The following CNTNAP2 variants were observed in gnomAD, a reference collection of about 807,000 sequenced individuals.
The protein encoded by CNTNAP2 is contactin associated protein 2.
Under a neutral mutation model 155.2 loss-of-function variants are expected in CNTNAP2, and 98 were observed. The ratio of observed to expected loss-of-function variants is 0.63; its 90% CI spans 0.54 to 0.75. The LOEUF is 0.75. Among genes scored for constraint, CNTNAP2 ranks in the 30% least tolerant of loss-of-function variants. The pLI is 0.00. For synonymous variants in CNTNAP2, 651 were observed against 631.2 expected (o/e 1.03, Z -0.47); for missense variants, 1,727 against 1,688.1 (o/e 1.02, Z -0.40).
chr7:146,721,890 T>TATATATATATATA (rs1491454260), intron 1 of CNTNAP2, among the ~76,000 whole-genome samples: 21 of 75,496 alleles, frequency 2.8e-4, no homozygotes, highest in African/African-American at 1.1e-3. Context: ...TATATATATA[T>TATATATATATATA]TTTTTTTTTT....
At chr7:148,009,071 G>T (rs35543022) in intron 15 of CNTNAP2, among the ~76,000 whole-genome samples, 1 of 152,130 alleles carries the variant, frequency 6.6e-6, no homozygotes, top group Admixed American at 6.6e-5. Flanking sequence ...TGCACAATGA[G>T]GTTATGTCCC....
rs1584951610 is a variant in CNTNAP2, at chr7:147,444,289, A to G, written c.1671-41646A>G. Among the ~76,000 whole-genome samples the G allele has an allele frequency of 4.6e-5, 7 of 152,338 alleles. 1 individual carries two copies. The highest frequency in any genetic ancestry group is 4.6e-4 in the Admixed American group (7 of 15,298). On this transcript the variant is annotated intron_variant, in intron 10 of 23. Coordinates refer to ENST00000361727, the MANE Select transcript of CNTNAP2 (RefSeq NM_014141.6). ...AAGCCCGTGGCAATTTGAGAACACA[A>G]GAGATCAACAAAATGAAGCCCAAGA... is the stretch of plus-strand genomic sequence containing the variant.
chr7:148,262,268 T>C lies in CNTNAP2; in HGVS notation c.3382-4765T>C, dbSNP rs192882346. 1.6e-3 allele frequency among the ~76,000 whole-genome samples: 242 copies of C among 152,286 alleles called. 2 individuals are homozygous for C. Among genetic ancestry groups the C allele is most frequent in the African/African-American group, 5.6e-3 (233 of 41,544 alleles). On this transcript the variant is annotated intron_variant, in intron 20 of 23. Coordinates refer to ENST00000361727, the MANE Select transcript of CNTNAP2 (RefSeq NM_014141.6). ...GCAGGAAGAATGGAGAACACTAACG[T>C]TGTTATTGAAGAAATTGCCGGGAGA...
intron 13 of CNTNAP2, among the ~76,000 whole-genome samples, chr7:147,874,525 T>C (rs1414856462): frequency 6.6e-6 from 1 of 152,272 alleles, no homozygotes; most frequent in African/African-American, 2.4e-5. Flanking sequence ...ACCAAGTCCC[T>C]AGGCTGCACA....
At chr7:146,739,995 A>G (rs1801684758) in intron 1 of CNTNAP2, among the ~76,000 whole-genome samples, 1 of 151,902 alleles carries the variant, frequency 6.6e-6, no homozygotes. Context: ...CATGGAATAT[A>G]TTTTTCTATT....
At chr7:147,651,646 A>G (rs866238405) in intron 13 of CNTNAP2, among the ~76,000 whole-genome samples, 18 of 152,214 alleles carry the variant, frequency 1.2e-4, no homozygotes, top group African/African-American at 3.9e-4. Flanking sequence ...ATGAAGATAC[A>G]GTTTGGTTGA....
chr7:147,768,456 G>A (rs117638442), intron 13 of CNTNAP2, among the ~76,000 whole-genome samples: 1,675 of 152,128 alleles, frequency 0.011, 98 homozygotes, highest in Admixed American at 0.088. Context: ...CATAATTTGG[G>A]CTTAATGCAT....
chr7:147,448,671 T>C (rs1321620195), intron 10 of CNTNAP2, among the ~76,000 whole-genome samples: 3 of 151,956 alleles, frequency 2.0e-5, no homozygotes, highest in African/African-American at 7.2e-5. Flanking sequence ...TTTTAGGTCA[T>C]ATACATATAC....
chr7:146,135,557 G>T lies in CNTNAP2; in HGVS notation c.97+18584G>T, dbSNP rs907131029. Among the ~76,000 whole-genome samples, 3 of 152,044 alleles carry T rather than the reference G, an allele frequency of 2.0e-5. No individual in the cohort carries two copies. In the East Asian group the frequency reaches 5.8e-4, roughly 29 times the overall value. ...CTGGAGATTTGGAATAGAGTTTCCA[G>T]GTTATTTATGAAGTTTAAATAATAT... On this transcript the variant is annotated intron_variant, in intron 1 of 23. Coordinates refer to ENST00000361727, the MANE Select transcript of CNTNAP2 (RefSeq NM_014141.6).
chr7:147,610,647 C>G (rs1387952077), intron 12 of CNTNAP2, among the ~76,000 whole-genome samples: 1 of 152,104 alleles, frequency 6.6e-6, no homozygotes, highest in East Asian at 1.9e-4. Flanking sequence ...GATGAGAGAG[C>G]TAGCCCAGGG....
intron 3 of CNTNAP2, among the ~76,000 whole-genome samples, chr7:146,864,607 T>C (rs1256217907): frequency 1.3e-5 from 2 of 152,048 alleles, no homozygotes; most frequent in African/African-American, 4.8e-5. Context: ...AGCATAAAGA[T>C]TGGAATAGAA....
At chr7:148,393,765 T>C (rs1409998437) in intron 22 of CNTNAP2, among the ~76,000 whole-genome samples, 1 of 152,194 alleles carries the variant, frequency 6.6e-6, no homozygotes, top group East Asian at 1.9e-4. Context: ...GTGGCTGTTC[T>C]ATATGAAAAA....
intron 13 of CNTNAP2, among the ~76,000 whole-genome samples, chr7:147,661,085 C>A (rs921944123): frequency 6.6e-6 from 1 of 152,068 alleles, no homozygotes; most frequent in Admixed American, 6.6e-5. Flanking sequence ...CATGATGTAC[C>A]TATCTTTCCT....
intron 11 of CNTNAP2, among the ~76,000 whole-genome samples, chr7:147,494,796 A>G (rs73162049): frequency 0.1 from 15,526 of 152,230 alleles, 912 homozygotes; most frequent in Middle Eastern, 0.18. Context: ...TCTGCTCAGA[A>G]AACAGGAAAG....
chr7:147,273,993 ATAT>A (rs141490499), intron 8 of CNTNAP2, among the ~76,000 whole-genome samples: 7,340 of 148,644 alleles, frequency 0.049, 233 homozygotes, highest in African/African-American at 0.089. Flanking sequence ...TATGTAGTAT[ATAT>A]TACATATTAC....
intron 1 of CNTNAP2, among the ~76,000 whole-genome samples, chr7:146,424,440 G>A (rs1796058923): frequency 6.6e-6 from 1 of 152,176 alleles, no homozygotes; most frequent in Non-Finnish European, 1.5e-5. Context: ...GCAATGAGTT[G>A]TGACAACGTG....
intron 4 of CNTNAP2, among the ~76,000 whole-genome samples, chr7:147,075,796 G>A (rs1240955499): frequency 6.6e-6 from 1 of 151,608 alleles, no homozygotes; most frequent in African/African-American, 2.4e-5. Context: ...CCTACCCCAC[G>A]ATAGGCCCCA....
At chr7:147,478,927 G>A (rs1457403411) in intron 10 of CNTNAP2, among the ~76,000 whole-genome samples, 3 of 152,194 alleles carry the variant, frequency 2.0e-5, no homozygotes, top group Admixed American at 6.5e-5. Flanking sequence ...GACTGAAATA[G>A]TATCCCCTTC....
At chr7:146,566,728 A>T (rs924902129) in intron 1 of CNTNAP2, among the ~76,000 whole-genome samples, 9 of 151,872 alleles carry the variant, frequency 5.9e-5, no homozygotes, top group South Asian at 4.2e-4. Flanking sequence ...AATTAAAATT[A>T]AAATTAAAAA....
Sources: gnomAD v4.1 joint callset for allele counts (sites outside exome capture counted in the v4.1 genomes callset) on GRCh38, gnomAD v4.1.1 for gene constraint, MANE v1.5 for transcripts, NCBI Gene and HGNC (gene_info 2026-07-23, HGNC 2026-07-21) for gene names.